SCAMP1: variants seen among roughly 807,000 people sequenced by gnomAD.
SCAMP1 encodes secretory carrier membrane protein 1, also known as secretory carrier-associated membrane protein 1.
SCAMP1 carries 15 observed loss-of-function variants against 41.8 expected under a neutral mutation model. The ratio of observed to expected loss-of-function variants is 0.36; its 90% CI spans 0.24 to 0.55. The LOEUF is 0.55. Among genes scored for constraint, SCAMP1 ranks in the 20% least tolerant of loss-of-function variants. The probability of loss-of-function intolerance (pLI) is 0.86; values close to 1 mark genes in which losing one functional copy is unlikely to be tolerated. For synonymous variants in SCAMP1, 135 were observed against 136.8 expected (o/e 0.99, Z 0.09); for missense variants, 341 against 412.6 (o/e 0.83, Z 1.50).
Position 78,475,381 on chromosome 5 carries a change from G to A in SCAMP1, c.853-123G>A, listed in dbSNP as rs143766117. On this transcript the variant is annotated intron_variant, in intron 8 of 8. Coordinates refer to ENST00000621999, the MANE Select transcript of SCAMP1 (RefSeq NM_004866.6). ...TGTCAGTTTGGTGGCTAATATTCTT[G>A]ATCTTAGGAATCATGACTACAATCT... is the stretch of plus-strand genomic sequence containing the variant. The A allele has an allele frequency of 6.8e-6, 4 of 590,568 alleles. No individual in the cohort carries two copies. In the East Asian group the frequency reaches 9.9e-5, roughly 15 times the overall value. The allele number at this position is 590,568 out of a possible 1,614,324, so 36.6% of individuals were successfully genotyped here. A position where few individuals can be genotyped will look rare whatever the true frequency, so the allele number is the denominator to read the frequency against.
intron 2 of SCAMP1, among the ~76,000 whole-genome samples, chr5:78,404,747 C>T (rs1751890829): frequency 6.6e-6 from 1 of 152,116 alleles, no homozygotes; most frequent in Non-Finnish European, 1.5e-5. Context: ...AATAGTTTCT[C>T]CTGAGGGGAG....
intron 1 of SCAMP1, among the ~76,000 whole-genome samples, chr5:78,369,578 G>T (rs978306645): frequency 6.6e-6 from 1 of 152,232 alleles, no homozygotes; most frequent in African/African-American, 2.4e-5. Flanking sequence ...TGTGACGCTA[G>T]AGATGTGAAG....
Position 78,373,727 on chromosome 5 carries a change from T to C in SCAMP1, c.57+12999T>C, listed in dbSNP as rs566108018. Among the ~76,000 whole-genome samples, 329 of 152,252 alleles carry C rather than the reference T, an allele frequency of 2.2e-3. 1 individual carries two copies. Among genetic ancestry groups the C allele is most frequent in the Non-Finnish European group, 3.7e-3 (249 of 67,974 alleles). Reference sequence around the variant, plus strand: ...TGGTACTACAAAATAGAGTGTGAAATTTGGACTAGCAGGACTGCCTTTACC... The same window carrying C: ...TGGTACTACAAAATAGAGTGTGAAACTTGGACTAGCAGGACTGCCTTTACC... On this transcript the variant is annotated intron_variant, in intron 1 of 8. Transcript: ENST00000621999.
chr5:78,421,399 A>G (rs1054682493), intron 5 of SCAMP1, among the ~76,000 whole-genome samples: 2 of 152,220 alleles, frequency 1.3e-5, no homozygotes, highest in African/African-American at 4.8e-5. Context: ...CTGCAGCCCC[A>G]TTCTGTAAAG....
intron 4 of SCAMP1, among the ~76,000 whole-genome samples, chr5:78,417,564 A>G (rs1749166862): frequency 6.6e-6 from 1 of 152,260 alleles, no homozygotes; most frequent in Non-Finnish European, 1.5e-5. Flanking sequence ...AGACTGCAGT[A>G]TGTTAGCACA....
intron 8 of SCAMP1, among the ~76,000 whole-genome samples, chr5:78,461,018 G>T (rs1753597887): frequency 6.6e-6 from 1 of 151,838 alleles, no homozygotes; most frequent in Non-Finnish European, 1.5e-5. Flanking sequence ...AGCATGCCTG[G>T]CTAATTTTTA....
At chr5:78,464,906 C>T (rs1753706844) in intron 8 of SCAMP1, among the ~76,000 whole-genome samples, 1 of 152,208 alleles carries the variant, frequency 6.6e-6, no homozygotes, top group Non-Finnish European at 1.5e-5. Context: ...CTCCATGATT[C>T]ACACTTTCTA....
intron 2 of SCAMP1, among the ~76,000 whole-genome samples, chr5:78,404,618 G>A (rs928686912): frequency 2.6e-5 from 4 of 152,022 alleles, no homozygotes; most frequent in Non-Finnish European, 5.9e-5. Flanking sequence ...CAAATGTTTC[G>A]AAGTTGTTTT....
At chr5:78,472,011 A>G (rs537186393) in intron 8 of SCAMP1, among the ~76,000 whole-genome samples, 1 of 152,226 alleles carries the variant, frequency 6.6e-6, no homozygotes, top group East Asian at 1.9e-4. Context: ...TCATAAGTAG[A>G]AAAGATAGTA....
intron 2 of SCAMP1, 43 bp from the exon 3 acceptor site, chr5:78,415,477 G>C (rs1411934571): frequency 8.5e-7 from 1 of 1,177,502 alleles, no homozygotes; most frequent in Non-Finnish European, 1.2e-6. Flanking sequence ...AGTTAAAGTT[G>C]GATCTCTGTG....
chr5:78,462,553 A>G (rs1485734529), intron 8 of SCAMP1, among the ~76,000 whole-genome samples: 2 of 151,650 alleles, frequency 1.3e-5, no homozygotes, highest in Non-Finnish European at 2.9e-5. Context: ...GTAACTCCTG[A>G]CCTCAAGTGA....
chr5:78,423,009 C>CGT (rs1424576159), intron 6 of SCAMP1, among the ~76,000 whole-genome samples: 2 of 36,454 alleles, frequency 5.5e-5, no homozygotes, highest in African/African-American at 1.5e-4. Context: ...GTAACACACG[C>CGT]GCGCGCGCAC....
chr5:78,375,068 A>G (rs1751032990), intron 1 of SCAMP1, among the ~76,000 whole-genome samples: 1 of 152,060 alleles, frequency 6.6e-6, no homozygotes, highest in African/African-American at 2.4e-5. Context: ...ATATGATTAT[A>G]GTAACTCTGA....
chr5:78,454,719 C>T (rs1269095430), intron 7 of SCAMP1, among the ~76,000 whole-genome samples: 349 of 152,084 alleles, frequency 2.3e-3, no homozygotes, highest in African/African-American at 7.9e-3. Flanking sequence ...GGGAGGATTC[C>T]CTCTTTTTCT....
intron 7 of SCAMP1, 101 bp downstream of exon 7, chr5:78,450,135 TTAAA>T (rs1753183163): frequency 1.1e-5 from 7 of 666,634 alleles, no homozygotes; most frequent in South Asian, 2.0e-5. Context: ...ATTAGAAAAA[TTAAA>T]TAAAAAGCAA....
chr5:78,425,819 C>T (rs1529500), intron 6 of SCAMP1, among the ~76,000 whole-genome samples: 123,182 of 152,094 alleles, frequency 0.81, 50,448 homozygotes, highest in East Asian at 0.92. Context: ...GGGATACATG[C>T]GCAGAATGTG....
At chr5:78,465,177 C>T (rs1195222244) in intron 8 of SCAMP1, among the ~76,000 whole-genome samples, 1 of 152,122 alleles carries the variant, frequency 6.6e-6, no homozygotes, top group African/African-American at 2.4e-5. Flanking sequence ...TACTGTGGCA[C>T]CTGGGCATAA....
chr5:78,439,730 T>C (rs769213944), intron 6 of SCAMP1, among the ~76,000 whole-genome samples: 1 of 152,152 alleles, frequency 6.6e-6, no homozygotes, highest in Non-Finnish European at 1.5e-5. Flanking sequence ...TGTGTGGCGT[T>C]CTCTGTATTT....
intron 6 of SCAMP1, among the ~76,000 whole-genome samples, chr5:78,436,216 T>C (rs1490831094): frequency 6.6e-6 from 1 of 152,190 alleles, no homozygotes; most frequent in Non-Finnish European, 1.5e-5. Flanking sequence ...ATGCAGAAGC[T>C]CTTTAGTTTA....
Sources: gnomAD v4.1 joint callset for allele counts (sites outside exome capture counted in the v4.1 genomes callset) on GRCh38, gnomAD v4.1.1 for gene constraint, MANE v1.5 for transcripts, NCBI Gene and HGNC (gene_info 2026-07-23, HGNC 2026-07-21) for gene names.